RCAN2: variants seen among roughly 807,000 people sequenced by gnomAD.
The protein encoded by RCAN2 is regulator of calcineurin 2, also known as calcipressin-2.
A neutral mutation model predicts 23.6 loss-of-function variants in RCAN2; 9 were observed. That is an observed-to-expected ratio of 0.38 (90% CI 0.23 to 0.67). The LOEUF is 0.67. Ranked by LOEUF, RCAN2 falls within the 30% of genes least tolerant of loss-of-function variation. The pLI, the probability that RCAN2 is intolerant of heterozygous loss-of-function variation, is 0.51. For synonymous variants in RCAN2, 109 were observed against 115.7 expected (o/e 0.94, Z 0.37); for missense variants, 273 against 302.3 (o/e 0.90, Z 0.72).
chr6:46,313,402 T>A (rs1319336844), intron 2 of RCAN2, among the ~76,000 whole-genome samples: 2 of 152,230 alleles, frequency 1.3e-5, no homozygotes, highest in Non-Finnish European at 2.9e-5. Context: ...GAGTGCTCCA[T>A]CACATTTCTC....
At chr6:46,402,018 A>C (rs2150403297) in intron 2 of RCAN2, among the ~76,000 whole-genome samples, 1 of 152,340 alleles carries the variant, frequency 6.6e-6, no homozygotes, top group South Asian at 2.1e-4. Flanking sequence ...CGAGAGTCTG[A>C]GATGCATGTA....
chr6:46,405,177 G>GT (rs1393701258), intron 2 of RCAN2, among the ~76,000 whole-genome samples: 1 of 152,184 alleles, frequency 6.6e-6, no homozygotes, highest in Non-Finnish European at 1.5e-5. Context: ...TGTGTTCGGA[G>GT]TTTTTTCCTT....
At chr6:46,271,409 T>A (rs1767520463) in intron 2 of RCAN2, among the ~76,000 whole-genome samples, 1 of 152,198 alleles carries the variant, frequency 6.6e-6, no homozygotes, top group African/African-American at 2.4e-5. Context: ...TTAAACTGCT[T>A]TACTCAGAGC....
At chr6:46,491,656 G>A (rs914129411), upstream of RCAN2, among the ~76,000 whole-genome samples, 6 of 150,492 alleles carry the variant, frequency 4.0e-5, no homozygotes, top group African/African-American at 1.5e-4. Flanking sequence ...CCTCAGCCCC[G>A]CACCCCCTCC....
At chr6:46,432,584 T>C (rs893816724) in intron 2 of RCAN2, among the ~76,000 whole-genome samples, 2 of 152,158 alleles carry the variant, frequency 1.3e-5, no homozygotes. Context: ...TCAATATCTT[T>C]AGAAGCAATG....
At chr6:46,385,694 T>C (rs1386068549) in intron 2 of RCAN2, among the ~76,000 whole-genome samples, 3 of 151,688 alleles carry the variant, frequency 2.0e-5, no homozygotes, top group African/African-American at 7.2e-5. Flanking sequence ...CTGTTTCTAC[T>C]AAAAATACAA....
chr6:46,276,640 T>C (rs1226762996), intron 2 of RCAN2, among the ~76,000 whole-genome samples: 2 of 152,202 alleles, frequency 1.3e-5, no homozygotes, highest in Non-Finnish European at 2.9e-5. Flanking sequence ...ATATTTTAAA[T>C]ACAAAAACCT....
intron 2 of RCAN2, among the ~76,000 whole-genome samples, chr6:46,356,632 G>A (rs1156665364): frequency 1.3e-5 from 2 of 152,156 alleles, no homozygotes; most frequent in Non-Finnish European, 2.9e-5. Context: ...TGCCTCAGGT[G>A]GGCTGGAAAA....
chr6:46,325,964 TC>T, intron 2 of RCAN2: 1 of 812,486 alleles, frequency 1.2e-6, no homozygotes, highest in African/African-American at 1.9e-5. Context: ...CAGATGAGCC[TC>T]CTGAGGTTAA....
At chr6:46,365,583 G>A (rs1047212408) in intron 2 of RCAN2, among the ~76,000 whole-genome samples, 13 of 152,236 alleles carry the variant, frequency 8.5e-5, no homozygotes, top group South Asian at 2.1e-4. Flanking sequence ...GTTTGGAGAC[G>A]GCTGCTATAA....
intron 2 of RCAN2, among the ~76,000 whole-genome samples, chr6:46,449,106 A>C (rs1767800239): frequency 6.6e-6 from 1 of 151,932 alleles, no homozygotes; most frequent in Non-Finnish European, 1.5e-5. Context: ...CAACTGTTAG[A>C]ACTAATAAAC....
intron 2 of RCAN2, among the ~76,000 whole-genome samples, chr6:46,442,180 T>C (rs1428430327): frequency 6.6e-6 from 1 of 152,184 alleles, no homozygotes. Flanking sequence ...ATAAAGCTCA[T>C]CCTAACCCTG....
chr6:46,282,119 A>G (rs1448011678), intron 2 of RCAN2, among the ~76,000 whole-genome samples: 2 of 152,212 alleles, frequency 1.3e-5, no homozygotes, highest in Non-Finnish European at 2.9e-5. Context: ...GAGAAAGTTG[A>G]ATGACACATA....
At chr6:46,430,570 GA>G (rs1304696940) in intron 2 of RCAN2, among the ~76,000 whole-genome samples, 1 of 152,056 alleles carries the variant, frequency 6.6e-6, no homozygotes, top group African/African-American at 2.4e-5. Flanking sequence ...ATATATGAGT[GA>G]AAATGCACTC....
At chr6:46,362,849 C>G (rs770179200) in intron 2 of RCAN2, among the ~76,000 whole-genome samples, 1 of 152,046 alleles carries the variant, frequency 6.6e-6, no homozygotes, top group African/African-American at 2.4e-5. Flanking sequence ...CATGGAAAAC[C>G]CAGTGAAACC....
intron 2 of RCAN2, among the ~76,000 whole-genome samples, chr6:46,305,046 C>T (rs1763019689): frequency 6.6e-6 from 1 of 152,068 alleles, no homozygotes; most frequent in Non-Finnish European, 1.5e-5. Flanking sequence ...CTCAGTCTAG[C>T]CCCTGCTGCC....
chr6:46,263,954 A>G (rs1311856665), intron 2 of RCAN2, among the ~76,000 whole-genome samples: 2 of 152,222 alleles, frequency 1.3e-5, no homozygotes, highest in African/African-American at 4.8e-5. Context: ...AAGATGCTTC[A>G]CTGAATACAT....
chr6:46,360,465 C>T (rs1406747687), intron 2 of RCAN2, among the ~76,000 whole-genome samples: 3 of 128,848 alleles, frequency 2.3e-5, no homozygotes, highest in South Asian at 2.7e-4. Flanking sequence ...ACCCGGGAGG[C>T]GGAGCTTGCA....
At chr6:46,321,697 C>A (rs895801485) in intron 2 of RCAN2, among the ~76,000 whole-genome samples, 11 of 152,238 alleles carry the variant, frequency 7.2e-5, no homozygotes, top group African/African-American at 2.7e-4. Context: ...TGGCACTCTG[C>A]AGCTCTGAGA....
Sources: gnomAD v4.1 joint callset for allele counts (sites outside exome capture counted in the v4.1 genomes callset) on GRCh38, gnomAD v4.1.1 for gene constraint, MANE v1.5 for transcripts, NCBI Gene and HGNC (gene_info 2026-07-23, HGNC 2026-07-21) for gene names.